The following APBA1 variants were observed in gnomAD, a reference collection of about 807,000 sequenced individuals.
The protein encoded by APBA1 is amyloid-beta A4 precursor protein-binding family A member 1.
In APBA1, 55 loss-of-function variants were observed where a neutral mutation model predicts 86.6. The observed-to-expected ratio is 0.64, with a 90% CI of 0.51 to 0.80. The LOEUF (loss-of-function observed/expected upper bound fraction) is 0.80. Ranked by LOEUF, APBA1 falls within the 30% of genes least tolerant of loss-of-function variation. APBA1 has a pLI of 0.00. For missense variants in APBA1, 1,090 were observed against 1,183.0 expected, an observed-to-expected ratio of 0.92 and a Z score of 1.15; for synonymous variants, 511 against 493.9, an observed-to-expected ratio of 1.03 and a Z score of -0.46.
chr9:69,529,386 T>C (rs1836389862), intron 1 of APBA1, among the ~76,000 whole-genome samples: 1 of 152,022 alleles, frequency 6.6e-6, no homozygotes, highest in Non-Finnish European at 1.5e-5. Context: ...CCCATAATGA[T>C]TCAAAGCCTC....
intron 1 of APBA1, among the ~76,000 whole-genome samples, chr9:69,644,552 T>C (rs539763922): frequency 6.6e-6 from 1 of 152,326 alleles, no homozygotes; most frequent in Non-Finnish European, 1.5e-5. Flanking sequence ...CTAAATGCTC[T>C]CATTACAGAG....
chr9:69,584,468 T>C lies in APBA1; in HGVS notation c.-69-67189A>G, dbSNP rs535977537. Reference sequence around the variant, plus strand: ...TACCATTATAGGCTGTGTAGTCTGATGGCTAAGGATGCTCCCAGATCCTTT... The same window carrying C: ...TACCATTATAGGCTGTGTAGTCTGACGGCTAAGGATGCTCCCAGATCCTTT... On this transcript the variant is annotated intron_variant, in intron 1 of 12. Transcript: ENST00000265381. 5.3e-5 allele frequency among the ~76,000 whole-genome samples: 8 copies of C among 152,338 alleles called. No homozygotes were observed. In the South Asian group the frequency reaches 6.2e-4, roughly 12 times the overall value.
At chr9:69,442,673 A>G (rs183815807) in intron 10 of APBA1, among the ~76,000 whole-genome samples, 1 of 152,224 alleles carries the variant, frequency 6.6e-6, no homozygotes, top group Non-Finnish European at 1.5e-5. Flanking sequence ...AAGAACAGTG[A>G]CAAATCCAAG....
chr9:69,463,721 G>A (rs959950597), intron 5 of APBA1: 1 of 152,156 alleles, frequency 6.6e-6, no homozygotes, highest in African/African-American at 2.4e-5. Context: ...GAGGAAGAGA[G>A]GGACAAAACG....
At chr9:69,451,675 G>A (rs911578018) in intron 9 of APBA1, among the ~76,000 whole-genome samples, 1 of 152,160 alleles carries the variant, frequency 6.6e-6, no homozygotes, top group Non-Finnish European at 1.5e-5. Flanking sequence ...GAATAGCTCA[G>A]TTTGAAGCCA....
chr9:69,546,531 CT>C (rs2133923610), intron 1 of APBA1, among the ~76,000 whole-genome samples: 1 of 152,318 alleles, frequency 6.6e-6, no homozygotes, highest in South Asian at 2.1e-4. Context: ...TGGCCATCCT[CT>C]TTTCTGAGAG....
chr9:69,609,819 G>A (rs1362997576), intron 1 of APBA1, among the ~76,000 whole-genome samples: 1 of 152,030 alleles, frequency 6.6e-6, no homozygotes, highest in Non-Finnish European at 1.5e-5. Context: ...TGTTGTTTGA[G>A]ACAGGGTCTC....
chr9:69,516,583 G>C lies in APBA1; in HGVS notation c.628C>G (p.Arg210Gly), dbSNP rs759487953. Residue 210 changes from arginine (R) to glycine (G), a missense_variant, in exon 2 of 13, where the codon CGC becomes GGC. Arg to Gly is a moderately radical substitution (Grantham distance 125). Coordinates refer to ENST00000265381, the MANE Select transcript of APBA1 (RefSeq NM_001163.4). The surrounding 1 kb of genome is among the most constrained non-coding windows in gnomAD (Gnocchi z 7.3). ...EIGDAPELDA[R>G]DGLRLYEQER... is the part of the protein sequence containing the mutation. ...TGCTCGTAGAGCCGCAGGCCGTCGC[G>C]TGCGTCCAGCTCGGGCGCGTCCCCT... The C allele has an allele frequency of 4.4e-6, 7 of 1,602,590 alleles. No individual in the cohort carries two copies. In the Admixed American group the frequency reaches 5.0e-5, roughly 11 times the overall value.
At chr9:69,485,649 C>T (rs1265179952) in intron 2 of APBA1, among the ~76,000 whole-genome samples, 1 of 152,050 alleles carries the variant, frequency 6.6e-6, no homozygotes, top group Non-Finnish European at 1.5e-5. Flanking sequence ...GGGCTGAACC[C>T]GGACGTCTAT....
chr9:69,435,955 A>G (rs1462826252), intron 11 of APBA1, among the ~76,000 whole-genome samples: 1 of 152,108 alleles, frequency 6.6e-6, no homozygotes, highest in Non-Finnish European at 1.5e-5. Context: ...TTAATTTTTT[A>G]TAAGGTGTAA....
At chr9:69,460,788 G>T (rs1252000930) in intron 5 of APBA1, 2 of 151,800 alleles carry the variant, frequency 1.3e-5, no homozygotes, top group Non-Finnish European at 1.5e-5. Flanking sequence ...AGAGTGCAGT[G>T]GTGCCAACTC....
chr9:69,431,035 C>G lies in APBA1; in HGVS notation c.*292G>C, dbSNP rs903741498. The stretch of plus-strand genomic sequence containing the variant: ...TCCCTCAAGCAGTGACAGCCCACCC[C>G]CTGGACACACCCAGAAAGCCCTCCA... On this transcript the variant is annotated 3_prime_UTR_variant, in exon 13 of 13. Transcript: ENST00000265381. 1.9e-5 allele frequency: 6 copies of G among 322,238 alleles called. No homozygotes were observed. Among genetic ancestry groups the G allele is most frequent in the Non-Finnish European group, 2.8e-5 (5 of 177,632 alleles). The allele number at this position is 322,238 out of a possible 1,614,324, so 20.0% of individuals were successfully genotyped here.
At chr9:69,497,446 C>T (rs1385532724) in intron 2 of APBA1, among the ~76,000 whole-genome samples, 1 of 152,104 alleles carries the variant, frequency 6.6e-6, no homozygotes, top group Non-Finnish European at 1.5e-5. Context: ...CTGGGCCACA[C>T]AGAGGGGACC....
intron 1 of APBA1, among the ~76,000 whole-genome samples, chr9:69,532,919 T>A (rs1356479943): frequency 6.6e-6 from 1 of 152,246 alleles, no homozygotes; most frequent in Non-Finnish European, 1.5e-5. Flanking sequence ...TATATACTCA[T>A]ACTTCATACA....
At chr9:69,463,292 T>C (rs1443159532) in intron 5 of APBA1, 2 of 152,170 alleles carry the variant, frequency 1.3e-5, no homozygotes, top group Non-Finnish European at 2.9e-5. Flanking sequence ...TTAAATTTAT[T>C]CCTAAAGGGC....
intron 10 of APBA1, among the ~76,000 whole-genome samples, chr9:69,447,315 C>CCT (rs1834926727): frequency 6.6e-6 from 1 of 152,170 alleles, no homozygotes; most frequent in Non-Finnish European, 1.5e-5. Context: ...AGACTCAGAC[C>CCT]AACTCCCCAC....
intron 1 of APBA1, among the ~76,000 whole-genome samples, chr9:69,565,823 T>C (rs963813849): frequency 2.6e-5 from 4 of 152,226 alleles, no homozygotes; most frequent in Non-Finnish European, 4.4e-5. Flanking sequence ...TTTGCTTTTT[T>C]CTCAGAATAT....
chr9:69,517,886 A>G (rs1211413147), intron 1 of APBA1, among the ~76,000 whole-genome samples: 3 of 152,180 alleles, frequency 2.0e-5, no homozygotes, highest in Admixed American at 1.3e-4. Flanking sequence ...CAGCTATTAT[A>G]TAGGGTAAAA....
At chr9:69,576,784 C>A (rs914656136) in intron 1 of APBA1, among the ~76,000 whole-genome samples, 22 of 152,168 alleles carry the variant, frequency 1.4e-4, no homozygotes, top group African/African-American at 5.3e-4. Flanking sequence ...TGCAGCACAC[C>A]AACATGGCAC....
Sources: allele counts gnomAD v4.1 joint callset (sites outside exome capture counted in the v4.1 genomes callset), GRCh38; gene constraint gnomAD v4.1.1; non-coding constraint Gnocchi (gnomAD v3.1); transcripts MANE v1.5; gene names NCBI Gene and HGNC (gene_info 2026-07-23, HGNC 2026-07-21).